C6orf89: variants seen among roughly 807,000 people sequenced by gnomAD.
C6orf89 encodes chromosome 6 open reading frame 89, also known as bombesin receptor-activated protein C6orf89.
A neutral mutation model predicts 40.7 loss-of-function variants in C6orf89; 29 were observed. That is an observed-to-expected ratio of 0.71 (90% CI 0.53 to 0.97). The LOEUF is 0.97. Ranked by LOEUF, C6orf89 falls within the 50% of genes least tolerant of loss-of-function variation. C6orf89 has a pLI of 0.00. For synonymous variants in C6orf89, 165 were observed against 152.2 expected, an observed-to-expected ratio of 1.08 and a Z score of -0.62; for missense variants, 392 against 429.1, an observed-to-expected ratio of 0.91 and a Z score of 0.76.
At chr6:36,917,024 C>A (rs546594328) in intron 7 of C6orf89, among the ~76,000 whole-genome samples, 2 of 151,654 alleles carry the variant, frequency 1.3e-5, no homozygotes, top group Admixed American at 6.6e-5. Flanking sequence ...CCAGCCTGGG[C>A]AATATAGGGA....
rs948601641 is a variant in C6orf89 at position 36,925,041 on chromosome 6, C to G, written c.*1600C>G. The G allele has an allele frequency of 4.0e-5, 6 of 149,140 alleles. No individual in the cohort carries two copies. The East Asian group carries it at 9.8e-4, about 24-fold the overall frequency. The allele number at this position is 149,140 out of a possible 1,614,324, so 9.2% of individuals were successfully genotyped here. On this transcript the variant is annotated 3_prime_UTR_variant, in exon 9 of 9. Coordinates refer to ENST00000480824, the MANE Select transcript of C6orf89 (RefSeq NM_001286635.2). The stretch of plus-strand genomic sequence containing the variant: ...CTCCTCCACGGGCTTCAGTGAAACT[C>G]CGATGAACTGTACCTGAGGGAATTT...
At chr6:36,923,325 C>T in intron 8 of C6orf89, 22 bp from the exon 9 acceptor site, 2 of 1,593,156 alleles carry the variant, frequency 1.3e-6, no homozygotes, top group South Asian at 1.1e-5. Flanking sequence ...TACATGCCTT[C>T]CTCTTGCTAT....
rs1375810541 is a variant in C6orf89 at position 36,888,191 on chromosome 6, C to T, written c.-120+2163C>T. Among the ~76,000 whole-genome samples the T allele has an allele frequency of 3.9e-5, 6 of 152,336 alleles. No homozygotes were observed. In the East Asian group the frequency reaches 1.2e-3, roughly 29 times the overall value. ...GGCTTAGAGAGGATGAGTAGTGTCTCATGGCCACACAGTAAGTGGTAAAAT... is the reference window on the plus strand; with the variant it reads ...GGCTTAGAGAGGATGAGTAGTGTCTTATGGCCACACAGTAAGTGGTAAAAT... On this transcript the variant is annotated intron_variant, in intron 1 of 8. Transcript: ENST00000480824.
intron 3 of C6orf89, among the ~76,000 whole-genome samples, chr6:36,901,318 A>ATTTTTTTTTTTTT (rs1408790414): frequency 2.6e-4 from 17 of 65,104 alleles, no homozygotes; most frequent in South Asian, 4.2e-4. Flanking sequence ...TATTATTATT[A>ATTTTTTTTTTTTT]TTATTTTTTT....
intron 4 of C6orf89, among the ~76,000 whole-genome samples, chr6:36,908,089 G>A (rs76440961): frequency 0.015 from 2,296 of 152,274 alleles, 61 homozygotes; most frequent in African/African-American, 0.053. Context: ...CTAGTTCACC[G>A]TTTGCCCGTT....
chr6:36,917,298 G>C (rs1449465823), intron 7 of C6orf89, among the ~76,000 whole-genome samples: 2 of 152,186 alleles, frequency 1.3e-5, no homozygotes, highest in East Asian at 1.9e-4. Flanking sequence ...CAGCCCAGCT[G>C]GGGTAGAAAA....
intron 1 of C6orf89, among the ~76,000 whole-genome samples, chr6:36,890,080 A>G (rs1405350362): frequency 6.6e-6 from 1 of 152,204 alleles, no homozygotes; most frequent in East Asian, 1.9e-4. Flanking sequence ...ACCATGATCC[A>G]TGCCATCAAC....
intron 1 of C6orf89, among the ~76,000 whole-genome samples, chr6:36,872,406 T>C (rs1223087855): frequency 6.6e-6 from 1 of 152,150 alleles, no homozygotes; most frequent in African/African-American, 2.4e-5. Context: ...TCAAAAAATT[T>C]CAATAAAAGG....
chr6:36,919,168 G>A (rs1427511119), intron 7 of C6orf89, among the ~76,000 whole-genome samples: 1 of 152,244 alleles, frequency 6.6e-6, no homozygotes. Flanking sequence ...CAGCCACCAT[G>A]TGCTGGTTTC....
chr6:36,902,390 A>C lies in C6orf89; in HGVS notation c.359A>C (p.Lys120Thr), dbSNP rs1355132315. The C allele has an allele frequency of 5.6e-6, 9 of 1,614,118 alleles. No individual in the cohort carries two copies. Among genetic ancestry groups the C allele is most frequent in the Non-Finnish European group, 7.6e-6 (9 of 1,180,058 alleles). Reference protein sequence around the residue: ...PIAKKYMSENKGVPLHGGDED... With the variant: ...PIAKKYMSENTGVPLHGGDED... Reference sequence around the variant, plus strand: ...GCCAAGAAGTACATGTCAGAAAATAAGGGAGTTCCTCTGCATGGGGGTGAT... The same window carrying C: ...GCCAAGAAGTACATGTCAGAAAATACGGGAGTTCCTCTGCATGGGGGTGAT... Residue 120 changes from lysine (K) to threonine (T), a missense_variant, in exon 4 of 9, where the codon AAG becomes ACG. Lys to Thr is a moderately conservative substitution (Grantham distance 78, BLOSUM62 -1). Transcript: ENST00000480824.
intron 1 of C6orf89, among the ~76,000 whole-genome samples, chr6:36,876,359 G>A (rs536880816): frequency 1.4e-3 from 207 of 152,280 alleles, no homozygotes; most frequent in South Asian, 3.1e-3. Context: ...CTGCCCTAAA[G>A]AAACTCACAT....
At chr6:36,916,301 G>C (rs751976538) in intron 6 of C6orf89, 144 bp from the exon 7 acceptor site, 26 of 794,562 alleles carry the variant, frequency 3.3e-5, no homozygotes, top group Middle Eastern at 3.6e-4. Context: ...CTATTCTTCA[G>C]GGACCTAGTA....
chr6:36,895,773 C>T (rs1314926079), intron 2 of C6orf89, among the ~76,000 whole-genome samples: 1 of 152,160 alleles, frequency 6.6e-6, no homozygotes, highest in Non-Finnish European at 1.5e-5. Flanking sequence ...GGATTACTTC[C>T]ATTTGGGGGC....
At chr6:36,915,070 G>A (rs1762267508) in intron 6 of C6orf89, among the ~76,000 whole-genome samples, 1 of 152,114 alleles carries the variant, frequency 6.6e-6, no homozygotes, top group Non-Finnish European at 1.5e-5. Flanking sequence ...AACAGTAATA[G>A]CTATCACTGA....
intron 8 of C6orf89, 27 bp downstream of exon 8, chr6:36,919,728 T>C (rs1762451286): frequency 3.9e-6 from 6 of 1,553,964 alleles, no homozygotes; most frequent in Admixed American, 1.9e-5. Flanking sequence ...GAGGGCAGGG[T>C]CAATGGATCT....
In C6orf89 at chr6:36,888,643, A is replaced by G. The variant is rs1561857906; in HGVS notation, c.-120+2615A>G. 3.3e-5 allele frequency among the ~76,000 whole-genome samples: 5 copies of G among 152,316 alleles called. No homozygotes were observed. In the South Asian group the frequency reaches 1.0e-3, roughly 32 times the overall value. On this transcript the variant is annotated intron_variant, in intron 1 of 8. Coordinates refer to ENST00000480824, the MANE Select transcript of C6orf89 (RefSeq NM_001286635.2). ...GTGAGACCCTGTCTCAGAAAATAAA[A>G]ATAAAAAACTGGACAAGGTAGAGAA...
chr6:36,898,283 CTT>C (rs1199985589), intron 2 of C6orf89, among the ~76,000 whole-genome samples: 7 of 93,860 alleles, frequency 7.5e-5, no homozygotes, highest in South Asian at 3.8e-4. Context: ...CTTTTCTTTT[CTT>C]TTTTTTTTTT....
At chr6:36,923,311 C>T (rs1762576065) in intron 8 of C6orf89, 36 bp from the exon 9 acceptor site, 1 of 1,554,648 alleles carries the variant, frequency 6.4e-7, no homozygotes, top group East Asian at 2.2e-5. Context: ...CACCCTCTGA[C>T]ATTTACATGC....
intron 1 of C6orf89, 41 bp downstream of exon 1, chr6:36,886,069 C>T: frequency 8.9e-6 from 10 of 1,121,204 alleles, no homozygotes; most frequent in Non-Finnish European, 1.1e-5. Flanking sequence ...GGGAGGCCGC[C>T]CTGTGACAGC....
Sources: allele counts gnomAD v4.1 joint callset (sites outside exome capture counted in the v4.1 genomes callset), GRCh38; gene constraint gnomAD v4.1.1; transcripts MANE v1.5; gene names NCBI Gene and HGNC (gene_info 2026-07-23, HGNC 2026-07-21).